Variants in SGSM2 observed in about 807,000 individuals in gnomAD.
SGSM2 encodes RUN and TBC1 domain containing 1.
In SGSM2, 89 loss-of-function variants were observed where a neutral mutation model predicts 126.6. That is an observed-to-expected ratio of 0.70 (90% CI 0.59 to 0.84). The LOEUF (loss-of-function observed/expected upper bound fraction) is 0.84, where lower values mean the gene tolerates loss of function less well. Ranked by LOEUF, SGSM2 falls within the 40% of genes least tolerant of loss-of-function variation. The pLI is 0.00. For synonymous variants in SGSM2, 614 were observed against 574.3 expected, an observed-to-expected ratio of 1.07 and a Z score of -0.99; for missense variants, 1,404 against 1,416.6, an observed-to-expected ratio of 0.99 and a Z score of 0.14.
At position 2,348,449 on chromosome 17, in the gene SGSM2, G is replaced by T. The variant is rs1224481999; in HGVS notation, c.133+4829G>T. 2.6e-5 allele frequency among the ~76,000 whole-genome samples: 4 copies of T among 152,160 alleles called. 1 individual carries two copies. The highest frequency in any genetic ancestry group is 4.1e-4 in the South Asian group (2 of 4,834). On this transcript the variant is annotated intron_variant, in intron 2 of 23. Transcript: ENST00000268989. ...CAGGGAATGAATAGCTCATTCTCTT[G>T]CTATCTAACTCGTGCCTTCCATCTA...
intron 22 of SGSM2, among the ~76,000 whole-genome samples, chr17:2,378,238 C>T (rs2066267913): frequency 6.6e-6 from 1 of 152,132 alleles, no homozygotes; most frequent in Non-Finnish European, 1.5e-5. Context: ...TTGAGACTAG[C>T]CTGGGCAACA....
rs1014952516 is a variant in SGSM2 at position 2,376,075 on chromosome 17, T to A, written c.2485-62T>A. On this transcript the variant is annotated intron_variant, in intron 18 of 23. Coordinates refer to ENST00000268989, the MANE Select transcript of SGSM2 (RefSeq NM_014853.3). The stretch of plus-strand genomic sequence containing the variant: ...TTGCTGCATTTCTTGGGGCGTCACC[T>A]CCTGCCCCCAGCCTGGGAAGGGCTG... 1.4e-5 allele frequency: 23 copies of A among 1,609,588 alleles called. No homozygotes were observed. In the African/African-American group the frequency reaches 2.8e-4, roughly 20 times the overall value.
intron 1 of SGSM2, among the ~76,000 whole-genome samples, chr17:2,338,774 A>AATATAT (rs148031213): frequency 1.5e-5 from 2 of 133,938 alleles, no homozygotes; most frequent in African/African-American, 5.4e-5. Flanking sequence ...CCGTCTCCCT[A>AATATAT]ATATATATAT....
In SGSM2 at chr17:2,343,550, G is replaced by A; in HGVS notation, c.63G>A (p.Lys21=). 1 of 1,614,196 alleles carries A rather than the reference G, an allele frequency of 6.2e-7. No individual in the cohort carries two copies. The highest frequency in any genetic ancestry group is 8.5e-7 in the Non-Finnish European group (1 of 1,180,018). ...TGCTGTCCATGTGTCCGCAGGTGAA[G>A]CAAATCATGGAGGAGGCTGTCACCA... ...KLLWNVKKEV[K]QIMEEAVTRK... is the part of the protein sequence containing the mutation. Residue 21 remains lysine (K), a synonymous_variant, in exon 2 of 24, where the codon AAG becomes AAA. Transcript: ENST00000268989.
chr17:2,362,781 G>A lies in SGSM2; in HGVS notation c.459-57G>A. 6 of 1,583,016 alleles carry A rather than the reference G, an allele frequency of 3.8e-6. No individual in the cohort carries two copies. Among genetic ancestry groups the A allele is most frequent in the Non-Finnish European group, 2.6e-6 (3 of 1,154,240 alleles). ...GGGGATGTCCCTACCTGGTGAGCTTGACTGCCCTGGAATGAGCCCCGGAGC... is the reference window on the plus strand; with the variant it reads ...GGGGATGTCCCTACCTGGTGAGCTTAACTGCCCTGGAATGAGCCCCGGAGC... On this transcript the variant is annotated intron_variant, in intron 4 of 23. Coordinates refer to ENST00000268989, the MANE Select transcript of SGSM2 (RefSeq NM_014853.3). The surrounding 1 kb of genome is among the most constrained non-coding windows in gnomAD (Gnocchi z 4.9).
rs1012308482 is a variant in SGSM2, at chr17:2,337,590, G to A, written c.-99G>A. The A allele has an allele frequency of 5.0e-6, 4 of 799,070 alleles. No individual in the cohort carries two copies. Among genetic ancestry groups the A allele is most frequent in the Non-Finnish European group, 6.4e-6 (4 of 628,512 alleles). 49.5% of individuals were successfully genotyped at this position (799,070 alleles called of 1,614,324 possible). On this transcript the variant is annotated 5_prime_UTR_variant, in exon 1 of 24. Transcript: ENST00000268989. The surrounding 1 kb of genome is among the most constrained non-coding windows in gnomAD (Gnocchi z 5.1). ...CGGCGGGCCGGGAGCGCGGCGGGCG[G>A]GGGCTCCGCCTTGCGCGTGGGGCGC... is the stretch of plus-strand genomic sequence containing the variant.
rs915990229 is a variant in SGSM2 at position 2,362,515 on chromosome 17, G to A, written c.458+245G>A. ...CCCAAAAACTGCAGGTGACCGCCCCGTTCCCCAAAAACTGCAGGTGACCGC... is the reference window on the plus strand; with the variant it reads ...CCCAAAAACTGCAGGTGACCGCCCCATTCCCCAAAAACTGCAGGTGACCGC... On this transcript the variant is annotated intron_variant, in intron 4 of 23. Transcript: ENST00000268989. The surrounding 1 kb of genome is among the most constrained non-coding windows in gnomAD (Gnocchi z 4.9). Among the ~76,000 whole-genome samples the A allele has an allele frequency of 3.3e-5, 5 of 149,782 alleles. No homozygotes were observed. The highest frequency in any genetic ancestry group is 6.6e-5 in the Admixed American group (1 of 15,070).
chr17:2,378,636 T>C (rs1367680049), intron 22 of SGSM2, among the ~76,000 whole-genome samples: 1 of 152,194 alleles, frequency 6.6e-6, no homozygotes, highest in Admixed American at 6.5e-5. Context: ...TCATAGATCA[T>C]AGTTTGGGGA....
chr17:2,375,927 C>CA lies in SGSM2; in HGVS notation c.2484+53dup, dbSNP rs765968927. 97 of 1,510,056 alleles carry CA rather than the reference C, an allele frequency of 6.4e-5. No individual in the cohort carries two copies. The African/African-American group carries it at 1.3e-3, about 20-fold the overall frequency. 93.5% of individuals were successfully genotyped at this position (1,510,056 alleles called of 1,614,324 possible). A position where few individuals can be genotyped will look rare whatever the true frequency, so the allele number is the denominator to read the frequency against. On this transcript the variant is annotated intron_variant, in intron 18 of 23. Coordinates refer to ENST00000268989, the MANE Select transcript of SGSM2 (RefSeq NM_014853.3). ...CCAGCCGCCCCAGAGGCCCTCCTGA[C>CA]ATCCCAGAGCTGGGGAAGCGCTGGT...
Position 2,363,709 on chromosome 17 carries a change from G to A in SGSM2, c.807+110G>A. 1 of 1,443,986 alleles carries A rather than the reference G, an allele frequency of 6.9e-7. No homozygotes were observed. The allele number at this position is 1,443,986 out of a possible 1,614,324, so 89.4% of individuals were successfully genotyped here. ...TGAGGAGCTTGACCAGAGACGGGGG[G>A]GAGAATGGCCCCAGCCTCCCAACTC... On this transcript the variant is annotated intron_variant, in intron 7 of 23. Transcript: ENST00000268989. This position sits in a 1 kb window ranked among gnomAD's most constrained non-coding sequence, Gnocchi z 4.2.
rs760142832 is a variant in SGSM2, at chr17:2,377,899, G to C, written c.2845G>C (p.Asp949His). The C allele has an allele frequency of 6.2e-7, 1 of 1,613,304 alleles. No individual in the cohort carries two copies. Among genetic ancestry groups the C allele is most frequent in the Non-Finnish European group, 8.5e-7 (1 of 1,179,426 alleles). Residue 949 changes from aspartate to histidine, a missense_variant, in exon 22 of 24, where the codon GAC becomes CAC. Physicochemically the swap from Asp to His is moderately conservative, Grantham distance 81. Transcript: ENST00000268989. The stretch of plus-strand genomic sequence containing the variant: ...GTTTGAGCTGATGCATCAGAATGGA[G>C]ACTACACCCACTTCTACTTCTGTTA... ...ELFELMHQNG[D>H]YTHFYFCYRW...
At chr17:2,353,819 C>T (rs2064976825) in intron 2 of SGSM2, among the ~76,000 whole-genome samples, 1 of 151,944 alleles carries the variant, frequency 6.6e-6, no homozygotes, top group Non-Finnish European at 1.5e-5. Flanking sequence ...CTCTTATTCA[C>T]CCACTTCCTG....
chr17:2,372,263 G>A lies in SGSM2; in HGVS notation c.1642+9G>A. 6.2e-7 allele frequency: 1 copy of A among 1,612,722 alleles called. No homozygotes were observed. The highest frequency in any genetic ancestry group is 8.5e-7 in the Non-Finnish European group (1 of 1,179,556). ...CCGGGCCTTCTACGGCTGTGAGTGTGGGGCGCGCCGGGCTGTGGCGGGCTG... is the reference window on the plus strand; with the variant it reads ...CCGGGCCTTCTACGGCTGTGAGTGTAGGGCGCGCCGGGCTGTGGCGGGCTG... On this transcript the variant is annotated intron_variant, in intron 14 of 23. Transcript: ENST00000268989. The surrounding 1 kb of genome is among the most constrained non-coding windows in gnomAD (Gnocchi z 6.0).
Position 2,376,223 on chromosome 17 carries a change from G to GC in SGSM2, c.2577dup (p.Asn860GlnfsTer39). 3 of 1,613,868 alleles carry GC rather than the reference G, an allele frequency of 1.9e-6. No homozygotes were observed. On this transcript the variant is annotated frameshift_variant, in exon 19 of 24. Transcript: ENST00000268989. LOFTEE classifies it high-confidence loss of function. ...GTGACCGCAACTACTGGTACTTCACGCCCCCCAACCTCGAGAGGCTCAGAG... is the reference window on the plus strand; with the variant it reads ...GTGACCGCAACTACTGGTACTTCACGCCCCCCCAACCTCGAGAGGCTCAGAG...
chr17:2,366,072 T>C (rs1397127640), intron 11 of SGSM2, among the ~76,000 whole-genome samples: 1 of 152,178 alleles, frequency 6.6e-6, no homozygotes, highest in Non-Finnish European at 1.5e-5. Flanking sequence ...GTGAATATTG[T>C]CTGCTGACTC....
chr17:2,378,871 T>C (rs2066293788), intron 22 of SGSM2, among the ~76,000 whole-genome samples, 165 bp from the exon 23 acceptor site: 1 of 152,070 alleles, frequency 6.6e-6, no homozygotes, highest in Admixed American at 6.5e-5. Flanking sequence ...CTCACCTGGC[T>C]CCATTTAGAG....
At chr17:2,376,613 C>A in intron 19 of SGSM2, 120 bp from the exon 20 acceptor site, 1 of 1,097,754 alleles carries the variant, frequency 9.1e-7, no homozygotes. Flanking sequence ...CAGTACATGC[C>A]TTAGGGTCGT....
intron 16 of SGSM2, 51 bp downstream of exon 16, chr17:2,373,132 G>A (rs754747436): frequency 3.1e-6 from 5 of 1,602,784 alleles, no homozygotes; most frequent in Non-Finnish European, 4.3e-6. Context: ...GCTGGGCCAG[G>A]GGACGCCAGG....
Position 2,376,202 on chromosome 17 carries a change from C to A in SGSM2, c.2550C>A (p.Asp850Glu). Residue 850 changes from aspartate (D) to glutamate (E), a missense_variant, in exon 19 of 24, where the codon GAC becomes GAA. By Grantham distance (45) the Asp-to-Glu change is conservative. Coordinates refer to ENST00000268989, the MANE Select transcript of SGSM2 (RefSeq NM_014853.3). ...TAGACAAGGATGTGCAGAGGTGTGA[C>A]CGCAACTACTGGTACTTCACGCCCC... ...HRIDKDVQRC[D>E]RNYWYFTPPN... The A allele has an allele frequency of 6.2e-7, 1 of 1,614,128 alleles. No individual in the cohort carries two copies. Among genetic ancestry groups the A allele is most frequent in the Non-Finnish European group, 8.5e-7 (1 of 1,180,022 alleles).
Sources: gnomAD v4.1 joint callset for allele counts (sites outside exome capture counted in the v4.1 genomes callset) on GRCh38, gnomAD v4.1.1 for gene constraint, Gnocchi (gnomAD v3.1) non-coding constraint, MANE v1.5 for transcripts, NCBI Gene and HGNC (gene_info 2026-07-23, HGNC 2026-07-21) for gene names.